GIGYF2: variants seen among roughly 807,000 people sequenced by gnomAD.
The protein encoded by GIGYF2 is GRB10-interacting GYF protein 2.
Under a neutral mutation model 208.1 loss-of-function variants are expected in GIGYF2, and 25 were observed. The ratio of observed to expected loss-of-function variants is 0.12; its 90% CI spans 0.09 to 0.17. The LOEUF is 0.17. Among genes scored for constraint, GIGYF2 ranks in the 10% least tolerant of loss-of-function variants. The pLI is 1.00. For missense variants in GIGYF2, 1,302 were observed against 1,579.4 expected (o/e 0.82, Z 2.98); for synonymous variants, 534 against 543.8 (o/e 0.98, Z 0.25).
At chr2:232,783,606 C>G (rs914215526) in intron 8 of GIGYF2, among the ~76,000 whole-genome samples, 1 of 152,018 alleles carries the variant, frequency 6.6e-6, no homozygotes, top group Non-Finnish European at 1.5e-5. Flanking sequence ...TATAAAGGAG[C>G]TTAAATTTTG....
intron 8 of GIGYF2, among the ~76,000 whole-genome samples, chr2:232,775,064 A>AT (rs956789044): frequency 0.011 from 1,629 of 145,574 alleles, 6 homozygotes; most frequent in Non-Finnish European, 0.015. Context: ...GTTAAGCAGC[A>AT]TTTTTTTTTT....
chr2:232,721,737 C>G (rs530442923), intron 2 of GIGYF2, among the ~76,000 whole-genome samples: 5 of 152,216 alleles, frequency 3.3e-5, no homozygotes, highest in Admixed American at 6.5e-5. Context: ...ATCTCTCTTC[C>G]CTTCCTTATT....
intron 2 of GIGYF2, among the ~76,000 whole-genome samples, chr2:232,720,664 A>G (rs1696902079): frequency 6.6e-6 from 1 of 151,390 alleles, no homozygotes; most frequent in Admixed American, 6.6e-5. Context: ...GCGTGATCTC[A>G]GCTTACTGCA....
intron 3 of GIGYF2, among the ~76,000 whole-genome samples, chr2:232,741,539 T>C (rs1488686582): frequency 6.6e-6 from 1 of 151,654 alleles, no homozygotes; most frequent in Non-Finnish European, 1.5e-5. Context: ...GCTTCCTGAG[T>C]TCAAGCGATT....
At chr2:232,712,065 G>T (rs1267820649) in intron 2 of GIGYF2, among the ~76,000 whole-genome samples, 1 of 151,942 alleles carries the variant, frequency 6.6e-6, no homozygotes, top group African/African-American at 2.4e-5. Context: ...TCTAACTCAT[G>T]GTGACGAATA....
intron 2 of GIGYF2, among the ~76,000 whole-genome samples, chr2:232,720,974 A>G (rs905732125): frequency 1.3e-5 from 2 of 152,306 alleles, no homozygotes; most frequent in African/African-American, 4.8e-5. Context: ...TAGAGTTGGA[A>G]TAGCCAAAGA....
intron 9 of GIGYF2, among the ~76,000 whole-genome samples, chr2:232,790,081 T>C (rs773361791): frequency 1.4e-3 from 210 of 152,262 alleles, no homozygotes; most frequent in Non-Finnish European, 2.1e-3. Context: ...TAGTTTCTTC[T>C]TAAACTATAA....
At chr2:232,848,214 C>CA (rs2106429441) in intron 27 of GIGYF2, among the ~76,000 whole-genome samples, 1 of 152,292 alleles carries the variant, frequency 6.6e-6, no homozygotes, top group East Asian at 1.9e-4. Flanking sequence ...ACATTGAACT[C>CA]ACAACTAATA....
chr2:232,805,695 A>T (rs1204795235), intron 14 of GIGYF2, among the ~76,000 whole-genome samples: 2 of 152,176 alleles, frequency 1.3e-5, no homozygotes, highest in Non-Finnish European at 2.9e-5. Context: ...TCATGTCATC[A>T]CTGAGACCCC....
intron 18 of GIGYF2, among the ~76,000 whole-genome samples, chr2:232,814,424 G>A (rs2106388720): frequency 6.6e-6 from 1 of 151,832 alleles, no homozygotes; most frequent in African/African-American, 2.4e-5. Flanking sequence ...TTAGCCAGGT[G>A]TGGTGTCGGG....
At chr2:232,753,355 C>G (rs1038756547) in intron 5 of GIGYF2, among the ~76,000 whole-genome samples, 1 of 152,068 alleles carries the variant, frequency 6.6e-6, no homozygotes, top group Non-Finnish European at 1.5e-5. Context: ...AACTCCTGAC[C>G]TCAAGTGATC....
chr2:232,768,262 C>A, intron 8 of GIGYF2: 1 of 1,614,002 alleles, frequency 6.2e-7, no homozygotes, highest in South Asian at 1.1e-5. Context: ...ATATCCAGGT[C>A]AGTCCTGTTT....
intron 23 of GIGYF2, among the ~76,000 whole-genome samples, chr2:232,843,250 G>A (rs1002854727): frequency 1.3e-5 from 2 of 151,204 alleles, no homozygotes; most frequent in Non-Finnish European, 2.9e-5. Context: ...TTAACCAAAA[G>A]CCTACTTAAT....
chr2:232,778,160 TC>T (rs1376824896), intron 8 of GIGYF2, among the ~76,000 whole-genome samples: 3 of 152,094 alleles, frequency 2.0e-5, no homozygotes, highest in African/African-American at 4.8e-5. Flanking sequence ...GGTCTTGAAC[TC>T]CTGGGCTCAA....
intron 21 of GIGYF2, among the ~76,000 whole-genome samples, 200 bp from the exon 22 acceptor site, chr2:232,832,657 C>CT (rs1204871614): frequency 1.3e-5 from 2 of 152,122 alleles, no homozygotes; most frequent in Non-Finnish European, 2.9e-5. Flanking sequence ...AAATTTCATC[C>CT]TGTAAGCATA....
chr2:232,817,603 C>T (rs1248135350), intron 20 of GIGYF2, among the ~76,000 whole-genome samples: 2 of 152,220 alleles, frequency 1.3e-5, no homozygotes, highest in East Asian at 3.8e-4. Flanking sequence ...TGAATTTAAA[C>T]TAACTCAATT....
chr2:232,851,810 G>A (rs1452264888), intron 28 of GIGYF2, among the ~76,000 whole-genome samples: 8 of 152,178 alleles, frequency 5.3e-5, no homozygotes, highest in Admixed American at 5.2e-4. Context: ...TGGAAGTTCC[G>A]GTTGTTGTCC....
chr2:232,711,713 A>ATATATATATG (rs1696417892), intron 2 of GIGYF2, among the ~76,000 whole-genome samples: 1 of 146,198 alleles, frequency 6.8e-6, no homozygotes, highest in African/African-American at 2.5e-5. Flanking sequence ...ATGTATATAT[A>ATATATATATG]TATATATATA....
At chr2:232,715,820 C>CTT (rs75526495) in intron 2 of GIGYF2, among the ~76,000 whole-genome samples, 14,239 of 143,944 alleles carry the variant, frequency 0.099, 803 homozygotes, top group African/African-American at 0.15. Flanking sequence ...GAAGAATTTC[C>CTT]TTTTTTTTTT....
Sources: gnomAD v4.1 joint callset for allele counts (sites outside exome capture counted in the v4.1 genomes callset) on GRCh38, gnomAD v4.1.1 for gene constraint, MANE v1.5 for transcripts, NCBI Gene and HGNC (gene_info 2026-07-23, HGNC 2026-07-21) for gene names.